Variants in RAMP1 observed in about 807,000 individuals in gnomAD.
The protein encoded by RAMP1 is receptor activity-modifying protein 1.
In RAMP1, 7 loss-of-function variants were observed where a neutral mutation model predicts 8.2. The observed-to-expected ratio is 0.85, with a 90% CI of 0.49 to 1.60. The LOEUF is 1.60. Ranked by LOEUF, RAMP1 falls within the 40% of genes most tolerant of loss-of-function variation. The pLI is 0.00. For synonymous variants in RAMP1, 92 were observed against 84.7 expected (o/e 1.09, Z -0.47); for missense variants, 192 against 202.4 (o/e 0.95, Z 0.31).
intron 2 of RAMP1, among the ~76,000 whole-genome samples, chr2:237,887,469 CTT>C (rs1188432555): frequency 3.9e-5 from 6 of 152,218 alleles, no homozygotes; most frequent in Non-Finnish European, 7.3e-5. Flanking sequence ...TGAGTCCACT[CTT>C]GTTTCAGCTT....
chr2:237,889,642 T>G (rs2151015283), intron 2 of RAMP1, among the ~76,000 whole-genome samples: 1 of 152,362 alleles, frequency 6.6e-6, no homozygotes, highest in South Asian at 2.1e-4. Context: ...CTTTGATATA[T>G]TTTCTGCCTA....
intron 2 of RAMP1, among the ~76,000 whole-genome samples, chr2:237,904,508 T>C (rs1047059112): frequency 1.3e-5 from 2 of 152,044 alleles, no homozygotes; most frequent in African/African-American, 4.8e-5. Flanking sequence ...TTCTGGAGGG[T>C]GAGGCAAGAG....
At chr2:237,883,828 AAAG>A (rs1396432749) in intron 2 of RAMP1, among the ~76,000 whole-genome samples, 4 of 142,840 alleles carry the variant, frequency 2.8e-5, no homozygotes, top group African/African-American at 1.2e-4. Context: ...AAAAAAAAAA[AAAG>A]AAAAGAAAAG....
intron 1 of RAMP1, among the ~76,000 whole-genome samples, chr2:237,871,430 C>A (rs547394422): frequency 6.6e-6 from 1 of 152,224 alleles, no homozygotes; most frequent in Non-Finnish European, 1.5e-5. Flanking sequence ...ATGCCTGAAA[C>A]GGACCAGGCC....
At position 237,911,619 on chromosome 2, in the gene RAMP1, G is replaced by A; in HGVS notation, c.283G>A (p.Ala95Thr). ...PNAEVDRFFLAVHGRYFRSCP... is the reference protein window; with the variant it reads ...PNAEVDRFFLTVHGRYFRSCP... ...TGCAGAGGTGGACAGGTTCTTCCTG[G>A]CAGTGCATGGCCGCTACTTCAGGAG... The change falls in exon 3 of 3, where the codon GCA (alanine) becomes ACA (threonine). Residue 95 changes from alanine (A) to threonine (T), a missense_variant. By Grantham distance (58) the Ala-to-Thr change is moderately conservative (BLOSUM62 0). Transcript: ENST00000254661. The A allele has an allele frequency of 6.2e-7, 1 of 1,614,152 alleles. No homozygotes were observed. Among genetic ancestry groups the A allele is most frequent in the Admixed American group, 1.7e-5 (1 of 60,028 alleles).
intron 2 of RAMP1, among the ~76,000 whole-genome samples, chr2:237,895,821 G>A (rs1236192061): frequency 6.6e-6 from 1 of 152,146 alleles, no homozygotes; most frequent in African/African-American, 2.4e-5. Flanking sequence ...ATGCCCCCAG[G>A]GTGTTAGCAT....
At chr2:237,879,776 G>C (rs1410153858) in intron 2 of RAMP1, among the ~76,000 whole-genome samples, 2 of 148,828 alleles carry the variant, frequency 1.3e-5, no homozygotes, top group African/African-American at 2.5e-5. Flanking sequence ...GATCAACTGA[G>C]GTCAGGAGTT....
chr2:237,858,934 C>T (rs1365567108), upstream of RAMP1: 1 of 152,976 alleles, frequency 6.5e-6, no homozygotes, highest in Non-Finnish European at 1.5e-5. The surrounding 1 kb of genome is among the most constrained non-coding windows in gnomAD (Gnocchi z 4.4). Context: ...CATCTCAAGA[C>T]TCTGTGGCCA....
intron 2 of RAMP1, among the ~76,000 whole-genome samples, chr2:237,883,961 G>A (rs2062401075): frequency 8.1e-6 from 1 of 123,564 alleles, no homozygotes; most frequent in South Asian, 2.5e-4. Context: ...TGTAGCCACT[G>A]CGCTTGCCCT....
chr2:237,861,241 G>A (rs2062130356), intron 1 of RAMP1, among the ~76,000 whole-genome samples: 2 of 152,010 alleles, frequency 1.3e-5, no homozygotes, highest in Non-Finnish European at 2.9e-5. Flanking sequence ...ATGTTCTGCC[G>A]AAAGTCCAAA....
intron 1 of RAMP1, among the ~76,000 whole-genome samples, chr2:237,874,469 C>T (rs13390872): frequency 1.3e-5 from 2 of 152,212 alleles, no homozygotes; most frequent in African/African-American, 2.4e-5. Flanking sequence ...GGTCCCTTTA[C>T]CAGATCCTCC....
At chr2:237,896,156 C>T (rs1022238157) in intron 2 of RAMP1, among the ~76,000 whole-genome samples, 1 of 152,232 alleles carries the variant, frequency 6.6e-6, no homozygotes, top group Non-Finnish European at 1.5e-5. Context: ...TGTGACTTTG[C>T]CTGGGACACC....
intron 2 of RAMP1, among the ~76,000 whole-genome samples, chr2:237,902,077 G>A (rs1156666178): frequency 1.3e-5 from 2 of 152,128 alleles, no homozygotes; most frequent in East Asian, 3.9e-4. Flanking sequence ...CAGGCTTCAG[G>A]TGGAGGAGGG....
chr2:237,876,786 G>A (rs541987331), intron 1 of RAMP1, among the ~76,000 whole-genome samples: 6 of 152,254 alleles, frequency 3.9e-5, no homozygotes, highest in East Asian at 3.9e-4. Context: ...TCATGCTTCC[G>A]TTTGTCAGCT....
intron 1 of RAMP1, among the ~76,000 whole-genome samples, chr2:237,863,591 T>C (rs1335085737): frequency 6.6e-6 from 1 of 152,226 alleles, no homozygotes; most frequent in African/African-American, 2.4e-5. Context: ...ATTTTTTTCC[T>C]AAGATGGTTT....
At chr2:237,885,653 C>T (rs1237307472) in intron 2 of RAMP1, among the ~76,000 whole-genome samples, 3 of 152,244 alleles carry the variant, frequency 2.0e-5, no homozygotes, top group African/African-American at 7.2e-5. Flanking sequence ...GCGAGCATTG[C>T]CCAGGCCGAG....
chr2:237,882,523 G>A (rs1405911312), intron 2 of RAMP1, among the ~76,000 whole-genome samples: 1 of 152,166 alleles, frequency 6.6e-6, no homozygotes, highest in African/African-American at 2.4e-5. Context: ...CTGGTTCCCG[G>A]CGGAGGTGGA....
At chr2:237,896,980 C>A (rs1306165289) in intron 2 of RAMP1, among the ~76,000 whole-genome samples, 1 of 152,178 alleles carries the variant, frequency 6.6e-6, no homozygotes, top group East Asian at 1.9e-4. Context: ...AGGGGCCAGG[C>A]CTTTAAATGT....
chr2:237,903,210 A>G (rs554925740), intron 2 of RAMP1, among the ~76,000 whole-genome samples: 2 of 152,360 alleles, frequency 1.3e-5, no homozygotes, highest in Non-Finnish European at 2.9e-5. Flanking sequence ...CTTCCTAAAT[A>G]TAATTTTAAC....
Sources: allele counts gnomAD v4.1 joint callset (sites outside exome capture counted in the v4.1 genomes callset), GRCh38; gene constraint gnomAD v4.1.1; non-coding constraint Gnocchi (gnomAD v3.1); transcripts MANE v1.5; gene names NCBI Gene and HGNC (gene_info 2026-07-23, HGNC 2026-07-21).